Variants in LSAMP observed in about 807,000 individuals in gnomAD.
LSAMP encodes the protein limbic system associated membrane protein, also known as limbic system-associated membrane protein.
In LSAMP, 7 loss-of-function variants were observed where a neutral mutation model predicts 38.6. That is an observed-to-expected ratio of 0.18 (90% CI 0.10 to 0.34). LSAMP has a LOEUF of 0.34. Among genes scored for constraint, LSAMP ranks in the 10% least tolerant of loss-of-function variants. LSAMP has a pLI of 1.00. For synonymous variants in LSAMP, 154 were observed against 166.8 expected, an observed-to-expected ratio of 0.92 and a Z score of 0.59; for missense variants, 313 against 420.0, an observed-to-expected ratio of 0.75 and a Z score of 2.23.
At chr3:116,011,507 T>G (rs1177081756) in intron 3 of LSAMP, among the ~76,000 whole-genome samples, 1 of 152,112 alleles carries the variant, frequency 6.6e-6, no homozygotes, top group Non-Finnish European at 1.5e-5. Context: ...ATTAGGCATT[T>G]AATGTCATGT....
At chr3:116,060,920 A>C (rs1024036716) in intron 2 of LSAMP, among the ~76,000 whole-genome samples, 1 of 151,682 alleles carries the variant, frequency 6.6e-6, no homozygotes, top group African/African-American at 2.4e-5. Context: ...AATAAAATAA[A>C]ATAAAATAAA....
chr3:116,405,344 G>A (rs1038169889), intron 1 of LSAMP, among the ~76,000 whole-genome samples: 2 of 152,002 alleles, frequency 1.3e-5, no homozygotes, highest in Non-Finnish European at 2.9e-5. Flanking sequence ...TTTCTATGAG[G>A]AACATGAGCT....
intron 6 of LSAMP, among the ~76,000 whole-genome samples, chr3:115,812,117 A>G (rs1349852541): frequency 6.6e-6 from 1 of 152,232 alleles, no homozygotes; most frequent in Non-Finnish European, 1.5e-5. Flanking sequence ...AAGATTTTTG[A>G]TAGGAGAGTT....
intron 2 of LSAMP, among the ~76,000 whole-genome samples, chr3:116,040,562 C>T (rs968915461): frequency 2.0e-5 from 3 of 152,192 alleles, no homozygotes; most frequent in Non-Finnish European, 4.4e-5. Flanking sequence ...GTATTTCTGC[C>T]ATTATTAACT....
intron 1 of LSAMP, among the ~76,000 whole-genome samples, chr3:116,409,536 T>C (rs4831138): frequency 0.3 from 45,730 of 151,658 alleles, 9,363 homozygotes; most frequent in African/African-American, 0.59. Flanking sequence ...TGCAATCCAT[T>C]CTTTAAAAAT....
At chr3:115,811,112 A>T (rs3772947) in intron 6 of LSAMP, among the ~76,000 whole-genome samples, 3 of 152,044 alleles carry the variant, frequency 2.0e-5, no homozygotes, top group Non-Finnish European at 4.4e-5. Flanking sequence ...ACACCTAGAG[A>T]GGTTGAGAGG....
chr3:116,359,926 T>C (rs997142142), intron 1 of LSAMP: 2 of 152,182 alleles, frequency 1.3e-5, no homozygotes, highest in African/African-American at 2.4e-5. Flanking sequence ...AGGCAAATGT[T>C]TCGTGATGAA....
chr3:116,255,158 G>T (rs1176409227), intron 1 of LSAMP, among the ~76,000 whole-genome samples: 1 of 152,064 alleles, frequency 6.6e-6, no homozygotes, highest in Non-Finnish European at 1.5e-5. Flanking sequence ...ATCACCATCA[G>T]TAGTGATGTT....
chr3:115,879,466 T>G (rs1024479680), intron 3 of LSAMP, among the ~76,000 whole-genome samples: 2 of 152,160 alleles, frequency 1.3e-5, no homozygotes, highest in Non-Finnish European at 2.9e-5. Context: ...TAAATTTATA[T>G]AGATGTTGTA....
chr3:116,405,627 TAA>T (rs1440189153), intron 1 of LSAMP, among the ~76,000 whole-genome samples: 1 of 152,046 alleles, frequency 6.6e-6, no homozygotes, highest in African/African-American at 2.4e-5. Context: ...ACAGAAGCAC[TAA>T]GTTATAAAAT....
At chr3:116,323,493 G>A (rs75238910) in intron 1 of LSAMP, among the ~76,000 whole-genome samples, 16,557 of 151,940 alleles carry the variant, frequency 0.11, 923 homozygotes, top group Middle Eastern at 0.16. Context: ...ATTTTTAATT[G>A]GCTGTACCCT....
intron 1 of LSAMP, among the ~76,000 whole-genome samples, chr3:116,344,979 T>C (rs1454911239): frequency 6.6e-6 from 1 of 152,214 alleles, no homozygotes; most frequent in African/African-American, 2.4e-5. Flanking sequence ...AAATAGATTG[T>C]AATCCCTGTG....
intron 1 of LSAMP, among the ~76,000 whole-genome samples, chr3:116,112,969 ATT>A (rs528068600): frequency 6.9e-6 from 1 of 145,590 alleles, no homozygotes; most frequent in Non-Finnish European, 1.5e-5. Context: ...TCCAGTACTC[ATT>A]TTTTTTTTTT....
Position 116,355,719 on chromosome 3 carries a change from G to A in LSAMP, c.155+89158C>T, listed in dbSNP as rs182156709. On this transcript the variant is annotated intron_variant, in intron 1 of 6. Coordinates refer to ENST00000490035, the MANE Select transcript of LSAMP (RefSeq NM_002338.5). ...AGGGATTATAACCAGAATATACAAG[G>A]AGCTCAAATAACTCTACAGGAAAAA... Among the ~76,000 whole-genome samples, 8 of 152,162 alleles carry A rather than the reference G, an allele frequency of 5.3e-5. No individual in the cohort carries two copies. The South Asian group carries it at 1.5e-3, about 28-fold the overall frequency.
At chr3:115,908,160 G>A (rs141311112) in intron 3 of LSAMP, among the ~76,000 whole-genome samples, 3,798 of 151,906 alleles carry the variant, frequency 0.025, 184 homozygotes, top group African/African-American at 0.085. Flanking sequence ...TATTTATGCC[G>A]TTTCATCTAT....
intron 1 of LSAMP, among the ~76,000 whole-genome samples, chr3:116,111,862 T>C (rs975030192): frequency 2.4e-4 from 36 of 152,346 alleles, no homozygotes; most frequent in African/African-American, 7.5e-4. Context: ...GTCCCTGTAA[T>C]AGATGTTGGA....
intron 1 of LSAMP, among the ~76,000 whole-genome samples, chr3:116,164,576 T>TATATATATATATAATCCAA (rs1709984924): frequency 5.8e-5 from 1 of 17,338 alleles, no homozygotes; most frequent in South Asian, 4.4e-3. Flanking sequence ...AATCCAAATA[T>TATATATATATATAATCCAA]ATATATATAT....
Position 116,271,977 on chromosome 3 carries a change from A to C in LSAMP, c.155+172900T>G, listed in dbSNP as rs547956924. ...CACTTGTGAAGGGAAAAATAAATTT[A>C]AAACCCAGGATGAAATAGAGATTGG... On this transcript the variant is annotated intron_variant, in intron 1 of 6. Transcript: ENST00000490035. Among the ~76,000 whole-genome samples, 4 of 152,204 alleles carry C rather than the reference A, an allele frequency of 2.6e-5. No individual in the cohort carries two copies. The South Asian group carries it at 8.3e-4, about 32-fold the overall frequency.
intron 3 of LSAMP, among the ~76,000 whole-genome samples, chr3:115,950,477 A>C (rs557268909): frequency 6.6e-6 from 1 of 152,252 alleles, no homozygotes; most frequent in African/African-American, 2.4e-5. Context: ...ATGCAAAATC[A>C]ATCTTTTTTA....
Sources: gnomAD v4.1 joint callset for allele counts (sites outside exome capture counted in the v4.1 genomes callset) on GRCh38, gnomAD v4.1.1 for gene constraint, MANE v1.5 for transcripts, NCBI Gene and HGNC (gene_info 2026-07-23, HGNC 2026-07-21) for gene names.